Variants in ABCA12 observed in about 807,000 individuals in gnomAD.
ABCA12 encodes the protein glucosylceramide transporter ABCA12.
Under a neutral mutation model 293.5 loss-of-function variants are expected in ABCA12, and 156 were observed. That is an observed-to-expected ratio of 0.53 (90% CI 0.47 to 0.61). The LOEUF is 0.61. Among genes scored for constraint, ABCA12 ranks in the 20% least tolerant of loss-of-function variants. ABCA12 has a pLI of 0.00. For missense variants in ABCA12, 2,797 were observed against 3,090.2 expected, an observed-to-expected ratio of 0.91 and a Z score of 2.25; for synonymous variants, 1,063 against 1,108.0, an observed-to-expected ratio of 0.96 and a Z score of 0.81.
At chr2:214,972,731 C>G (rs554637201) in intron 36 of ABCA12, among the ~76,000 whole-genome samples, 1 of 152,132 alleles carries the variant, frequency 6.6e-6, no homozygotes, top group African/African-American at 2.4e-5. Context: ...AAAACTATAC[C>G]AATGTCAATT....
intron 2 of ABCA12, among the ~76,000 whole-genome samples, chr2:215,065,125 C>T (rs538320372): frequency 5.5e-4 from 84 of 151,648 alleles, no homozygotes; most frequent in African/African-American, 1.8e-3. Context: ...GGCATACACA[C>T]GAGTCATGAC....
intron 2 of ABCA12, chr2:215,080,925 C>T (rs149705553): frequency 1.3e-5 from 2 of 152,380 alleles, no homozygotes; most frequent in East Asian, 3.9e-4. Flanking sequence ...TCCTCCCCCT[C>T]AGAACCATAT....
chr2:215,049,207 G>A (rs1263987443), intron 6 of ABCA12, among the ~76,000 whole-genome samples: 6 of 152,056 alleles, frequency 3.9e-5, no homozygotes, highest in African/African-American at 1.4e-4. Context: ...TTTCAAACTA[G>A]GTTTGAAGTC....
rs989107789 is a variant in ABCA12, at chr2:215,063,542, A to G, written c.317+524T>C. Among the ~76,000 whole-genome samples the G allele has an allele frequency of 6.6e-5, 10 of 152,044 alleles. 1 individual carries two copies. Among genetic ancestry groups the G allele is most frequent in the African/African-American group, 2.4e-4 (10 of 41,418 alleles). ...ACCTGCTCCTTACACCATAAAGTAG[A>G]ACATGCATTAACCTCATTTAAAGGT... On this transcript the variant is annotated intron_variant, in intron 3 of 52. Transcript: ENST00000272895.
chr2:215,108,503 A>T (rs1259829926), intron 2 of ABCA12, among the ~76,000 whole-genome samples: 1 of 152,208 alleles, frequency 6.6e-6, no homozygotes, highest in African/African-American at 2.4e-5. Context: ...ACCACCACTT[A>T]TTAACGGTAC....
chr2:215,059,252 T>A (rs1701480030), intron 3 of ABCA12, among the ~76,000 whole-genome samples: 1 of 152,114 alleles, frequency 6.6e-6, no homozygotes, highest in Non-Finnish European at 1.5e-5. Flanking sequence ...ACATTTGTCA[T>A]TAACTTTTAA....
At chr2:215,070,389 G>T (rs10165363) in intron 2 of ABCA12, among the ~76,000 whole-genome samples, 152,000 of 152,154 alleles carry the variant, frequency 1, 75,924 homozygotes, top group Middle Eastern at 1. Context: ...TTTTTTAAAT[G>T]TTTTTATTAT....
Position 215,083,734 on chromosome 2 carries a change from A to G in ABCA12, c.164-19515T>C, listed in dbSNP as rs1374738476. Among the ~76,000 whole-genome samples the G allele has an allele frequency of 2.0e-5, 3 of 151,776 alleles. No homozygotes were observed. In the East Asian group the frequency reaches 5.8e-4, roughly 29 times the overall value. The stretch of plus-strand genomic sequence containing the variant: ...AGTTCAGATGGGTATACCAAGGCAG[A>G]GTAGCTCACATGACATAACAAGCAG... On this transcript the variant is annotated intron_variant, in intron 2 of 52. Transcript: ENST00000272895.
intron 2 of ABCA12, among the ~76,000 whole-genome samples, chr2:215,066,104 T>C (rs1701635042): frequency 6.6e-6 from 1 of 152,138 alleles, no homozygotes; most frequent in South Asian, 2.1e-4. Flanking sequence ...TAGCTTTTCA[T>C]GTCATCCCTC....
chr2:215,015,904 G>A (rs1198048959), intron 14 of ABCA12, among the ~76,000 whole-genome samples: 1 of 152,090 alleles, frequency 6.6e-6, no homozygotes, highest in Non-Finnish European at 1.5e-5. Flanking sequence ...CAGCACTTTG[G>A]GAGGCTGAGG....
chr2:214,932,859 T>TA, intron 52 of ABCA12, 118 bp from the exon 53 acceptor site: 1 of 739,956 alleles, frequency 1.4e-6, no homozygotes, highest in Non-Finnish European at 2.4e-6. Flanking sequence ...TATATATGTG[T>TA]ATGCAGGCCC....
At chr2:215,021,746 G>T (rs774812717) in intron 11 of ABCA12, among the ~76,000 whole-genome samples, 12 of 150,758 alleles carry the variant, frequency 8.0e-5, no homozygotes, top group Non-Finnish European at 1.5e-4. Flanking sequence ...AATAAGAAAG[G>T]CACAATGATA....
At chr2:215,096,667 A>T (rs1364637690) in intron 2 of ABCA12, among the ~76,000 whole-genome samples, 1 of 152,208 alleles carries the variant, frequency 6.6e-6, no homozygotes, top group Non-Finnish European at 1.5e-5. Context: ...CAATTACATT[A>T]GAGTACCCAC....
Position 214,958,272 on chromosome 2 carries a change from C to T in ABCA12, c.6117+5G>A, listed in dbSNP as rs1172069276. On this transcript the variant is annotated splice_donor_5th_base_variant and intron_variant, in intron 41 of 52. Coordinates refer to ENST00000272895, the MANE Select transcript of ABCA12 (RefSeq NM_173076.3). ...TCCCTGCAATGAAGGACATAAGTTA[C>T]TCACCATGTCATAAATGAAGTTTGT... 1.2e-6 allele frequency: 2 copies of T among 1,613,716 alleles called. No homozygotes were observed. The highest frequency in any genetic ancestry group is 1.3e-5 in the African/African-American group (1 of 74,908).
chr2:214,937,978 T>TAA (rs1451905568), intron 50 of ABCA12, among the ~76,000 whole-genome samples: 1 of 152,198 alleles, frequency 6.6e-6, no homozygotes, highest in Non-Finnish European at 1.5e-5. Context: ...TATTATACTT[T>TAA]AAGTTCTGGG....
intron 5 of ABCA12, among the ~76,000 whole-genome samples, chr2:215,051,609 AGTGTGTGTGTGTGTGTGTGTGTGTGT>A (rs3050094): frequency 8.2e-6 from 1 of 121,356 alleles, no homozygotes; most frequent in Admixed American, 8.7e-5. Context: ...TAAAAACGCT[AGTGTGTGTGTGTGTGTGTGTGTGTGT>A]GTGTGTGTGT....
intron 19 of ABCA12, among the ~76,000 whole-genome samples, chr2:215,004,630 T>C (rs1700215798): frequency 6.6e-6 from 1 of 152,214 alleles, no homozygotes; most frequent in Admixed American, 6.5e-5. Context: ...TAATGTATAC[T>C]ATACACAATG....
intron 39 of ABCA12, among the ~76,000 whole-genome samples, chr2:214,960,029 T>C (rs1699070874): frequency 1.3e-5 from 2 of 152,160 alleles, no homozygotes; most frequent in Admixed American, 6.5e-5. Flanking sequence ...TTCATTGTAC[T>C]AGGATGTTAA....
At chr2:215,126,486 T>C (rs775952574) in intron 1 of ABCA12, among the ~76,000 whole-genome samples, 4 of 152,202 alleles carry the variant, frequency 2.6e-5, no homozygotes, top group African/African-American at 4.8e-5. Context: ...CTGCTTGTTA[T>C]TGGTCTGTTT....
Sources: allele counts gnomAD v4.1 joint callset (sites outside exome capture counted in the v4.1 genomes callset), GRCh38; gene constraint gnomAD v4.1.1; transcripts MANE v1.5; gene names NCBI Gene and HGNC (gene_info 2026-07-23, HGNC 2026-07-21).